LRRC7: variants seen among roughly 807,000 people sequenced by gnomAD.
LRRC7 encodes the protein leucine-rich repeat-containing protein 7.
A neutral mutation model predicts 175.7 loss-of-function variants in LRRC7; 23 were observed. The ratio of observed to expected loss-of-function variants is 0.13; its 90% CI spans 0.09 to 0.19. The LOEUF is 0.19. LRRC7 is among the 10% of genes least tolerant of loss of function. The pLI, the probability that LRRC7 is intolerant of heterozygous loss-of-function variation, is 1.00. For synonymous variants in LRRC7, 685 were observed against 680.9 expected, an observed-to-expected ratio of 1.01 and a Z score of -0.09; for missense variants, 1,354 against 1,904.7, an observed-to-expected ratio of 0.71 and a Z score of 5.38.
At chr1:69,740,439 CTT>C (rs1211300374) in intron 2 of LRRC7, among the ~76,000 whole-genome samples, 2 of 152,042 alleles carry the variant, frequency 1.3e-5, no homozygotes, top group African/African-American at 4.8e-5. Flanking sequence ...AAAATAAAAA[CTT>C]CAGCTGAATT....
In LRRC7 at chr1:69,744,071, GA is replaced by G. The variant is rs572611911; in HGVS notation, c.101-16112del. Among the ~76,000 whole-genome samples, 352 of 150,964 alleles carry G rather than the reference GA, an allele frequency of 2.3e-3. 5 individuals are homozygous for G. The highest frequency in any genetic ancestry group is 8.1e-3 in the African/African-American group (333 of 41,154). On this transcript the variant is annotated intron_variant, in intron 2 of 26. Coordinates refer to ENST00000651989, the MANE Select transcript of LRRC7 (RefSeq NM_001370785.2). ...ACTCATGATAACTCAGAGGCAAGCAGAAAAAAAATATTTATTATACTAAATA... is the reference window on the plus strand; with the variant it reads ...ACTCATGATAACTCAGAGGCAAGCAGAAAAAAATATTTATTATACTAAATA...
At chr1:70,064,844 G>A (rs753792074) in intron 23 of LRRC7, among the ~76,000 whole-genome samples, 1 of 151,782 alleles carries the variant, frequency 6.6e-6, no homozygotes, top group African/African-American at 2.4e-5. Flanking sequence ...AAGTTCTTTA[G>A]TGACCTTTGT....
chr1:69,725,932 A>G (rs977589866), intron 2 of LRRC7, among the ~76,000 whole-genome samples: 1 of 152,324 alleles, frequency 6.6e-6, no homozygotes, highest in African/African-American at 2.4e-5. Flanking sequence ...TCTGTGCTGA[A>G]CAAAGGGCCT....
At chr1:69,678,514 T>C (rs772899085) in intron 2 of LRRC7, 36 bp downstream of exon 2, 47 of 1,479,426 alleles carry the variant, frequency 3.2e-5, no homozygotes, top group Admixed American at 3.0e-4. Flanking sequence ...GTGTTCTAGA[T>C]AGATTTTGGT....
chr1:70,071,548 T>C (rs1367618795), intron 23 of LRRC7, among the ~76,000 whole-genome samples: 1 of 152,168 alleles, frequency 6.6e-6, no homozygotes, highest in African/African-American at 2.4e-5. Context: ...ACTGGGTTTT[T>C]GTTGTTATTG....
At chr1:69,894,732 A>G (rs1645929631) in intron 7 of LRRC7, among the ~76,000 whole-genome samples, 3 of 152,214 alleles carry the variant, frequency 2.0e-5, no homozygotes, top group Admixed American at 2.0e-4. Context: ...GTTAACTAAA[A>G]TAAGTCAGTT....
chr1:70,016,409 G>T, intron 13 of LRRC7, 56 bp from the exon 14 acceptor site: 1 of 1,237,822 alleles, frequency 8.1e-7, no homozygotes, highest in Non-Finnish European at 1.1e-6. Context: ...ATAATTCTTA[G>T]AAATGAACTA....
chr1:69,765,897 T>G (rs1671571903), intron 3 of LRRC7, among the ~76,000 whole-genome samples: 1 of 152,050 alleles, frequency 6.6e-6, no homozygotes. Flanking sequence ...TATTGCATTA[T>G]CAAATAAAAA....
rs564689179 is a variant in LRRC7, at chr1:69,741,948, G to A, written c.101-18243G>A. 1.3e-4 allele frequency among the ~76,000 whole-genome samples: 20 copies of A among 152,046 alleles called. No individual in the cohort carries two copies. The South Asian group carries it at 3.9e-3, about 30-fold the overall frequency. Reference sequence around the variant, plus strand: ...CCACATTTCAAAATGAACTTCCATCGTGTGTGTAAGCCCATATAAATTATT... The same window carrying A: ...CCACATTTCAAAATGAACTTCCATCATGTGTGTAAGCCCATATAAATTATT... On this transcript the variant is annotated intron_variant, in intron 2 of 26. Coordinates refer to ENST00000651989, the MANE Select transcript of LRRC7 (RefSeq NM_001370785.2).
At chr1:70,074,118 C>A (rs1298768483) in intron 23 of LRRC7, among the ~76,000 whole-genome samples, 32 of 151,830 alleles carry the variant, frequency 2.1e-4, no homozygotes, top group Non-Finnish European at 8.8e-5. Context: ...AGGAGAATCA[C>A]TTGGACCTGG....
At chr1:69,724,709 T>C (rs1184769568) in intron 2 of LRRC7, among the ~76,000 whole-genome samples, 1 of 152,144 alleles carries the variant, frequency 6.6e-6, no homozygotes, top group African/African-American at 2.4e-5. Context: ...ACTCTAGCAG[T>C]AAATGAGATG....
chr1:69,728,194 G>A (rs1479748432), intron 2 of LRRC7, among the ~76,000 whole-genome samples: 3 of 152,002 alleles, frequency 2.0e-5, no homozygotes, highest in African/African-American at 4.8e-5. Context: ...TAAATTTCTA[G>A]TCTATTAAAT....
At chr1:69,941,361 A>C (rs1648691144) in intron 8 of LRRC7, among the ~76,000 whole-genome samples, 1 of 152,148 alleles carries the variant, frequency 6.6e-6, no homozygotes, top group Admixed American at 6.6e-5. Context: ...TTAATTAATT[A>C]CATTATCAAG....
intron 18 of LRRC7, among the ~76,000 whole-genome samples, chr1:70,030,314 C>T (rs997582283): frequency 6.6e-6 from 1 of 152,080 alleles, no homozygotes; most frequent in Non-Finnish European, 1.5e-5. Flanking sequence ...TGATTTGCAC[C>T]ACCCCTTTCC....
In LRRC7 at chr1:70,142,028, A is replaced by G. The variant is rs962896640; in HGVS notation, c.*20141A>G. 7.9e-5 allele frequency: 12 copies of G among 151,836 alleles called. No individual in the cohort carries two copies. Among genetic ancestry groups the G allele is most frequent in the South Asian group, 2.1e-4 (1 of 4,834 alleles). 9.4% of individuals were successfully genotyped at this position (151,836 alleles called of 1,614,324 possible). A position where few individuals can be genotyped will look rare whatever the true frequency, so the allele number is the denominator to read the frequency against. On this transcript the variant is annotated 3_prime_UTR_variant, in exon 27 of 27. Transcript: ENST00000651989. Reference sequence around the variant, plus strand: ...CCCTTCCCCAACCCTCTACTAAAGAATATTTCTTATTTAGTCAGGAAATCT... The same window carrying G: ...CCCTTCCCCAACCCTCTACTAAAGAGTATTTCTTATTTAGTCAGGAAATCT...
At chr1:69,921,468 A>G (rs1006499811) in intron 7 of LRRC7, among the ~76,000 whole-genome samples, 12 of 152,150 alleles carry the variant, frequency 7.9e-5, no homozygotes, top group African/African-American at 2.9e-4. Flanking sequence ...CCATTCTAAT[A>G]TACTCTCACT....
intron 8 of LRRC7, among the ~76,000 whole-genome samples, chr1:69,941,167 A>G (rs1206435083): frequency 6.6e-6 from 1 of 152,078 alleles, no homozygotes; most frequent in Admixed American, 6.6e-5. Context: ...GACGCAGTAG[A>G]CCAAATGAGA....
At chr1:69,997,407 A>C (rs1446612282) in intron 11 of LRRC7, among the ~76,000 whole-genome samples, 4 of 148,450 alleles carry the variant, frequency 2.7e-5, no homozygotes, top group Non-Finnish European at 6.0e-5. Context: ...TCTCCTGCCT[A>C]ATTGCCCTGG....
intron 22 of LRRC7, among the ~76,000 whole-genome samples, chr1:70,048,066 G>A (rs2102052045): frequency 6.6e-6 from 1 of 151,818 alleles, no homozygotes; most frequent in African/African-American, 2.4e-5. Flanking sequence ...GTTACTAATG[G>A]TTCCATGTGC....
Sources: gnomAD v4.1 joint callset for allele counts (sites outside exome capture counted in the v4.1 genomes callset) on GRCh38, gnomAD v4.1.1 for gene constraint, MANE v1.5 for transcripts, NCBI Gene and HGNC (gene_info 2026-07-23, HGNC 2026-07-21) for gene names.